The following PDE8A variants were observed in gnomAD, a reference collection of about 807,000 sequenced individuals.
PDE8A encodes phosphodiesterase 8A.
A neutral mutation model predicts 105.0 loss-of-function variants in PDE8A; 59 were observed. The ratio of observed to expected loss-of-function variants is 0.56; its 90% CI spans 0.46 to 0.70. The LOEUF (loss-of-function observed/expected upper bound fraction) is 0.70. Among genes scored for constraint, PDE8A ranks in the 30% least tolerant of loss-of-function variants. The probability of loss-of-function intolerance (pLI) is 0.00; values close to 1 mark genes in which losing one functional copy is unlikely to be tolerated. For synonymous variants in PDE8A, 355 were observed against 371.9 expected (o/e 0.95, Z 0.52); for missense variants, 1,014 against 1,045.9 (o/e 0.97, Z 0.42).
In PDE8A at chr15:85,061,243, A is replaced by AT. The variant is rs1000341760; in HGVS notation, c.187-3119dup. ...TATTTTTCTTCTTTTTTATTTATTT[A>AT]TTTTTTTTGAGATGGCATCTTGCTC... On this transcript the variant is annotated intron_variant, in intron 1 of 21. Transcript: ENST00000394553. Among the ~76,000 whole-genome samples the AT allele has an allele frequency of 2.3e-4, 35 of 150,244 alleles. 1 individual carries two copies. Among genetic ancestry groups the AT allele is most frequent in the Admixed American group, 2.7e-4 (4 of 15,074 alleles).
At position 85,137,999 on chromosome 15, in the gene PDE8A, A is replaced by G. The variant is rs747068017; in HGVS notation, c.*96A>G. The stretch of plus-strand genomic sequence containing the variant: ...CTCCTTGGTCCTTTCAGTACTAGGC[A>G]GAACAGCCCCCGATCTGCATAGCCT... On this transcript the variant is annotated 3_prime_UTR_variant, in exon 22 of 22. Coordinates refer to ENST00000394553, the MANE Select transcript of PDE8A (RefSeq NM_002605.3). 2.5e-5 allele frequency: 18 copies of G among 732,570 alleles called. No homozygotes were observed. Among genetic ancestry groups the G allele is most frequent in the Non-Finnish European group, 3.8e-5 (16 of 417,480 alleles). The allele number at this position is 732,570 out of a possible 1,614,324, so 45.4% of individuals were successfully genotyped here. A position where few individuals can be genotyped will look rare whatever the true frequency, so the allele number is the denominator to read the frequency against.
intron 1 of PDE8A, among the ~76,000 whole-genome samples, chr15:85,035,159 G>A (rs1006571548): frequency 6.8e-6 from 1 of 147,066 alleles, no homozygotes; most frequent in Non-Finnish European, 1.5e-5. Flanking sequence ...CAGAAGCTTT[G>A]GGGTCAGCAG....
chr15:84,980,922 GT>G (rs2079696364), upstream of PDE8A, among the ~76,000 whole-genome samples: 1 of 152,234 alleles, frequency 6.6e-6, no homozygotes, highest in African/African-American at 2.4e-5. Context: ...GGCGCGCCAG[GT>G]TTTGGCCTGC....
intron 17 of PDE8A, 83 bp downstream of exon 17, chr15:85,117,922 G>A (rs2082122316): frequency 1.8e-6 from 2 of 1,097,018 alleles, no homozygotes; most frequent in Non-Finnish European, 2.8e-6. Context: ...AAGATACATA[G>A]CATGACTGCT....
intron 1 of PDE8A, among the ~76,000 whole-genome samples, chr15:84,985,984 G>C (rs1016220725): frequency 2.0e-5 from 3 of 152,158 alleles, no homozygotes; most frequent in Non-Finnish European, 4.4e-5. Context: ...CAGCACTTTG[G>C]GAGGCCAAGG....
intron 1 of PDE8A, among the ~76,000 whole-genome samples, chr15:85,033,354 T>C (rs2080647947): frequency 6.6e-6 from 1 of 152,146 alleles, no homozygotes; most frequent in South Asian, 2.1e-4. Flanking sequence ...AGACAAGTAG[T>C]ACTTGTAGGG....
chr15:85,035,109 C>T (rs2080682018), intron 1 of PDE8A, among the ~76,000 whole-genome samples: 1 of 151,314 alleles, frequency 6.6e-6, no homozygotes, highest in Admixed American at 6.6e-5. Context: ...CCTTATATTC[C>T]ACTAATATGT....
intron 1 of PDE8A, among the ~76,000 whole-genome samples, chr15:85,038,113 A>G (rs955833187): frequency 1.3e-5 from 2 of 152,124 alleles, no homozygotes; most frequent in African/African-American, 2.4e-5. Flanking sequence ...TGATGAGCTC[A>G]CTTTCTTTTG....
chr15:85,075,226 T>C (rs969098516), intron 3 of PDE8A, among the ~76,000 whole-genome samples: 1 of 152,252 alleles, frequency 6.6e-6, no homozygotes, highest in Non-Finnish European at 1.5e-5. Context: ...GGAAGTCTTG[T>C]ACTCTTTGGG....
At chr15:85,121,136 C>G in intron 18 of PDE8A, 122 bp downstream of exon 18, 1 of 636,586 alleles carries the variant, frequency 1.6e-6, no homozygotes, top group Non-Finnish European at 2.6e-6. Flanking sequence ...TACAGTGGGC[C>G]GGACATAGTG....
chr15:85,073,689 A>G (rs1203097159), intron 3 of PDE8A, among the ~76,000 whole-genome samples: 2 of 152,256 alleles, frequency 1.3e-5, no homozygotes, highest in Admixed American at 1.3e-4. Flanking sequence ...GGACAGATAC[A>G]GTGTCACTAG....
chr15:85,125,870 G>A (rs1296889301), intron 19 of PDE8A, among the ~76,000 whole-genome samples: 1 of 152,006 alleles, frequency 6.6e-6, no homozygotes. Context: ...TTACCAAGGG[G>A]GAGAGAGAGA....
At chr15:85,051,997 GGT>G (rs1368262752) in intron 1 of PDE8A, among the ~76,000 whole-genome samples, 2 of 139,434 alleles carry the variant, frequency 1.4e-5, no homozygotes, top group Non-Finnish European at 3.1e-5. Context: ...AGCAGGCCCC[GGT>G]GTGTGATGTT....
At chr15:85,122,688 C>T (rs1027297905) in intron 18 of PDE8A, among the ~76,000 whole-genome samples, 2 of 152,178 alleles carry the variant, frequency 1.3e-5, no homozygotes, top group Admixed American at 1.3e-4. Flanking sequence ...CAAGTACTCC[C>T]TATGATTTCG....
chr15:85,001,327 GA>G (rs1487107963), intron 1 of PDE8A, among the ~76,000 whole-genome samples: 1 of 151,974 alleles, frequency 6.6e-6, no homozygotes, highest in African/African-American at 2.4e-5. Flanking sequence ...TTTATGTCTG[GA>G]AAAAATGCCC....
intron 1 of PDE8A, among the ~76,000 whole-genome samples, chr15:85,054,504 G>A (rs1048991519): frequency 6.6e-6 from 1 of 152,178 alleles, no homozygotes; most frequent in Non-Finnish European, 1.5e-5. Context: ...CCTGTTATTG[G>A]TCTATTCAGG....
At chr15:85,079,945 A>G (rs1271099943) in intron 5 of PDE8A, among the ~76,000 whole-genome samples, 1 of 152,206 alleles carries the variant, frequency 6.6e-6, no homozygotes, top group Non-Finnish European at 1.5e-5. Flanking sequence ...AAGCAAATGT[A>G]TATGAATGGG....
chr15:85,028,893 CA>C (rs776087138), intron 1 of PDE8A, among the ~76,000 whole-genome samples: 19 of 152,044 alleles, frequency 1.2e-4, no homozygotes, highest in Non-Finnish European at 1.9e-4. Flanking sequence ...CTTTTGCATG[CA>C]GCATATTTCA....
intron 12 of PDE8A, 128 bp from the exon 13 acceptor site, chr15:85,113,249 A>T (rs2082044788): frequency 1.3e-6 from 1 of 780,640 alleles, no homozygotes. Flanking sequence ...TTAGGATGGG[A>T]AGGAAGCTCA....
Sources: gnomAD v4.1 joint callset for allele counts (sites outside exome capture counted in the v4.1 genomes callset) on GRCh38, gnomAD v4.1.1 for gene constraint, MANE v1.5 for transcripts, NCBI Gene and HGNC (gene_info 2026-07-23, HGNC 2026-07-21) for gene names.